The following RNF6 variants were observed in gnomAD, a reference collection of about 807,000 sequenced individuals.
The protein encoded by RNF6 is ring finger protein 6.
RNF6 carries 21 observed loss-of-function variants against 50.1 expected under a neutral mutation model. That is an observed-to-expected ratio of 0.42 (90% CI 0.30 to 0.60). RNF6 has a LOEUF of 0.60. Among genes scored for constraint, RNF6 ranks in the 20% least tolerant of loss-of-function variants. The probability of loss-of-function intolerance (pLI) is 0.20; values close to 1 mark genes in which losing one functional copy is unlikely to be tolerated. For synonymous variants in RNF6, 255 were observed against 291.8 expected, an observed-to-expected ratio of 0.87 and a Z score of 1.29; for missense variants, 698 against 838.2, an observed-to-expected ratio of 0.83 and a Z score of 2.07.
Position 26,186,530 on chromosome 13 carries a change from A to G in RNF6, n.768+28944T>C, listed in dbSNP as rs1023623388. 6.6e-5 allele frequency among the ~76,000 whole-genome samples: 10 copies of G among 152,204 alleles called. No homozygotes were observed. The East Asian group carries it at 1.9e-3, about 29-fold the overall frequency. ...GGAGCAGGTCTGTTAGGGCGCGCGC[A>G]CACACATGCACGTGCACGAGCGCAC... On this transcript the variant is annotated intron_variant and non_coding_transcript_variant, in intron 5 of 5. Transcript: ENST00000468480.
At chr13:26,200,070 A>G (rs1038404581) in intron 5 of RNF6, among the ~76,000 whole-genome samples, 1 of 152,204 alleles carries the variant, frequency 6.6e-6, no homozygotes, top group African/African-American at 2.4e-5. Flanking sequence ...ACCAGACACC[A>G]AATATGCCCA....
chr13:26,211,712 A>G (rs567376901), downstream of RNF6, among the ~76,000 whole-genome samples: 6 of 151,930 alleles, frequency 3.9e-5, 1 homozygote, highest in South Asian at 8.3e-4. Flanking sequence ...GAGCCGAGAT[A>G]GTGCCACTGC....
At chr13:26,144,772 G>A (rs1215990386) in intron 5 of RNF6, 1 of 152,270 alleles carries the variant, frequency 6.6e-6, no homozygotes, top group Non-Finnish European at 1.5e-5. Context: ...AGTACAGAAT[G>A]AGCAAGAAGG....
chr13:26,168,336 A>T (rs189745451), intron 5 of RNF6, among the ~76,000 whole-genome samples: 52 of 152,240 alleles, frequency 3.4e-4, no homozygotes, highest in African/African-American at 1.3e-3. Flanking sequence ...TCAGGCAGAC[A>T]GGCCCTTCTG....
At chr13:26,159,589 C>T (rs2137605482) in intron 5 of RNF6, among the ~76,000 whole-genome samples, 1 of 151,986 alleles carries the variant, frequency 6.6e-6, no homozygotes, top group Non-Finnish European at 1.5e-5. Flanking sequence ...CACGCTACTG[C>T]ACTCCAGCCT....
rs113594946 is a variant in RNF6 at position 26,181,512 on chromosome 13, T to C, written n.768+33962A>G. On this transcript the variant is annotated intron_variant and non_coding_transcript_variant, in intron 5 of 5. Coordinates refer to the RNF6 transcript ENST00000468480. ...ACAGCCATAACCACTGCAGGTAGTG[T>C]AACCCATTGGGTGGAAATGTCCACG... is the stretch of plus-strand genomic sequence containing the variant. Among the ~76,000 whole-genome samples, 1,274 of 152,262 alleles carry C rather than the reference T, an allele frequency of 8.4e-3. 22 individuals carry two copies. Among genetic ancestry groups the C allele is most frequent in the African/African-American group, 0.029 (1,202 of 41,542 alleles).
At chr13:26,150,083 C>CACAG (rs1871511744) in intron 5 of RNF6, among the ~76,000 whole-genome samples, 2 of 143,474 alleles carry the variant, frequency 1.4e-5, no homozygotes, top group African/African-American at 5.2e-5. Context: ...TACACACACA[C>CACAG]AGAGAGAGAG....
intron 5 of RNF6, among the ~76,000 whole-genome samples, chr13:26,149,607 A>T (rs1007514036): frequency 1.3e-5 from 2 of 151,654 alleles, no homozygotes; most frequent in African/African-American, 4.8e-5. Context: ...AGAAAGAAAA[A>T]AAGAATAGAG....
At chr13:26,207,308 T>C (rs746876026) in intron 5 of RNF6, among the ~76,000 whole-genome samples, 1 of 151,600 alleles carries the variant, frequency 6.6e-6, no homozygotes, top group Non-Finnish European at 1.5e-5. Flanking sequence ...TTGGAAAAGA[T>C]AGGCAGAAGC....
At chr13:26,172,936 A>C (rs1455386596) in intron 5 of RNF6, among the ~76,000 whole-genome samples, 1 of 151,886 alleles carries the variant, frequency 6.6e-6, no homozygotes, top group Admixed American at 6.6e-5. Flanking sequence ...GAAATTACTA[A>C]AAAAAAATAG....
Position 26,219,623 on chromosome 13 carries a change from A to T in RNF6, c.27T>A (p.Asp9Glu), listed in dbSNP as rs759587532. 1.2e-6 allele frequency: 2 copies of T among 1,613,636 alleles called. No homozygotes were observed. The highest frequency in any genetic ancestry group is 1.7e-5 in the Admixed American group (1 of 60,022). MNQSRSRS[D>E]GGSEETLPQD... Reference sequence around the variant, plus strand: ...GAGGTAAGGTTTCTTCACTGCCACCATCTGATCTCGATCTAGACTGATTCA... The same window carrying T: ...GAGGTAAGGTTTCTTCACTGCCACCTTCTGATCTCGATCTAGACTGATTCA... The change falls in exon 3 of 5, where the codon GAT (aspartate) becomes GAA (glutamate). Residue 9 changes from aspartate to glutamate, a missense_variant. Physicochemically the swap from Asp to Glu is conservative, Grantham distance 45. Coordinates refer to ENST00000381588, the MANE Select transcript of RNF6 (RefSeq NM_005977.4).
intron 5 of RNF6, among the ~76,000 whole-genome samples, chr13:26,160,710 G>T (rs1204312811): frequency 1.3e-5 from 2 of 152,138 alleles, no homozygotes; most frequent in Admixed American, 6.5e-5. Flanking sequence ...AGACTGGGTG[G>T]CTTAAGCAAC....
At chr13:26,186,724 A>G (rs1159148964) in intron 5 of RNF6, among the ~76,000 whole-genome samples, 1 of 151,916 alleles carries the variant, frequency 6.6e-6, no homozygotes, top group East Asian at 1.9e-4. Context: ...CGGGGGCGCT[A>G]GAGCGCCGGC....
intron 5 of RNF6, among the ~76,000 whole-genome samples, chr13:26,153,646 C>G (rs1159122971): frequency 6.6e-6 from 1 of 152,090 alleles, no homozygotes; most frequent in Non-Finnish European, 1.5e-5. Context: ...TAAGGTTGAA[C>G]AAACAGGAAT....
At chr13:26,191,630 C>T (rs977250716) in intron 5 of RNF6, among the ~76,000 whole-genome samples, 7 of 152,144 alleles carry the variant, frequency 4.6e-5, no homozygotes, top group Non-Finnish European at 8.8e-5. Flanking sequence ...CTCTTTCTCC[C>T]GCTGCCTTGT....
chr13:26,201,088 A>G (rs573128468), intron 5 of RNF6, among the ~76,000 whole-genome samples: 6 of 151,158 alleles, frequency 4.0e-5, no homozygotes, highest in African/African-American at 1.4e-4. Flanking sequence ...AGCAAATAAA[A>G]AACACCATGA....
intron 5 of RNF6, among the ~76,000 whole-genome samples, chr13:26,187,858 G>A (rs1217118492): frequency 1.3e-5 from 2 of 152,190 alleles, no homozygotes; most frequent in Non-Finnish European, 2.9e-5. Flanking sequence ...CAACTAGCTG[G>A]GACTACAGGC....
chr13:26,145,499 A>C (rs1414411369), intron 5 of RNF6, among the ~76,000 whole-genome samples: 1 of 149,972 alleles, frequency 6.7e-6, no homozygotes, highest in Non-Finnish European at 1.5e-5. Context: ...TTCTCCTGAG[A>C]TCTGCTTGTT....
chr13:26,207,523 G>A (rs915853290), intron 5 of RNF6, among the ~76,000 whole-genome samples: 3 of 152,196 alleles, frequency 2.0e-5, no homozygotes, highest in Non-Finnish European at 1.5e-5. Flanking sequence ...AAAATAACAA[G>A]TATTCCAAAG....
Sources: gnomAD v4.1 joint callset for allele counts (sites outside exome capture counted in the v4.1 genomes callset) on GRCh38, gnomAD v4.1.1 for gene constraint, MANE v1.5 for transcripts, NCBI Gene and HGNC (gene_info 2026-07-23, HGNC 2026-07-21) for gene names.